The following SENP7 variants were observed in gnomAD, a reference collection of about 807,000 sequenced individuals.
The protein encoded by SENP7 is SUMO specific peptidase 7, also known as sentrin-specific protease 7.
A neutral mutation model predicts 141.2 loss-of-function variants in SENP7; 64 were observed. The observed-to-expected ratio is 0.45, with a 90% CI of 0.37 to 0.56. The LOEUF is 0.56. Among genes scored for constraint, SENP7 ranks in the 20% least tolerant of loss-of-function variants. The probability of loss-of-function intolerance (pLI) is 0.00; values close to 1 mark genes in which losing one functional copy is unlikely to be tolerated. For missense variants in SENP7, 1,025 were observed against 1,212.2 expected (o/e 0.85, Z 2.29); for synonymous variants, 382 against 426.4 (o/e 0.90, Z 1.28).
intron 4 of SENP7, chr3:101,457,734 T>C: frequency 1.1e-6 from 1 of 903,006 alleles, no homozygotes; most frequent in South Asian, 1.5e-5. Flanking sequence ...TTTCATCCTA[T>C]CAGAGCAGAT....
Position 101,470,292 on chromosome 3 carries a change from A to G in SENP7, c.187-11240T>C, listed in dbSNP as rs535593169. Among the ~76,000 whole-genome samples the G allele has an allele frequency of 2.6e-5, 4 of 152,360 alleles. No homozygotes were observed. The South Asian group carries it at 8.3e-4, about 32-fold the overall frequency. On this transcript the variant is annotated intron_variant, in intron 3 of 23. Coordinates refer to ENST00000394095, the MANE Select transcript of SENP7 (RefSeq NM_020654.5). ...CAAACCGAATCCAGCAGCACATCAA[A>G]AAGCGTATCCACCACAATCAAGTCG...
intron 13 of SENP7, among the ~76,000 whole-genome samples, chr3:101,345,849 T>C (rs2059441341): frequency 6.6e-6 from 1 of 152,206 alleles, no homozygotes; most frequent in Non-Finnish European, 1.5e-5. Context: ...CTTCTAGACA[T>C]TGGCTTAGGC....
rs547381781 is a variant in SENP7, at chr3:101,469,800, C to T, written c.187-10748G>A. Reference sequence around the variant, plus strand: ...GATTGCGCCACTGCAGTCCGTAGTCCGGCCTGGGCGACAGAGCAAGACTCC... The same window carrying T: ...GATTGCGCCACTGCAGTCCGTAGTCTGGCCTGGGCGACAGAGCAAGACTCC... On this transcript the variant is annotated intron_variant, in intron 3 of 23. Transcript: ENST00000394095. Among the ~76,000 whole-genome samples, 152 of 81,770 alleles carry T rather than the reference C, an allele frequency of 1.9e-3. 18 individuals are homozygous for T. The highest frequency in any genetic ancestry group is 9.2e-3 in the Admixed American group (46 of 4,984). 53.6% of individuals were successfully genotyped at this position (81,770 alleles called of 152,430 possible).
At chr3:101,440,656 T>C (rs1457583641) in intron 4 of SENP7, among the ~76,000 whole-genome samples, 1 of 150,220 alleles carries the variant, frequency 6.7e-6, no homozygotes, top group Non-Finnish European at 1.5e-5. Context: ...GAGAAAGTTT[T>C]CCAACTCATT....
intron 16 of SENP7, among the ~76,000 whole-genome samples, chr3:101,337,991 A>G (rs1327305522): frequency 6.6e-6 from 1 of 152,028 alleles, no homozygotes; most frequent in African/African-American, 2.4e-5. Context: ...CGTCTCTACT[A>G]AAAATACAAA....
intron 4 of SENP7, among the ~76,000 whole-genome samples, chr3:101,449,610 AG>A (rs2063041636): frequency 3.9e-5 from 6 of 152,314 alleles, no homozygotes; most frequent in Admixed American, 3.9e-4. Flanking sequence ...TTTCATATCC[AG>A]CCAAACTAAG....
intron 11 of SENP7, among the ~76,000 whole-genome samples, chr3:101,356,487 C>CA (rs559120380): frequency 2.5e-4 from 38 of 152,134 alleles, no homozygotes; most frequent in Middle Eastern, 3.4e-3. Flanking sequence ...TACAATACTT[C>CA]AAAAAATCTA....
At chr3:101,378,629 G>A (rs1330174885) in intron 6 of SENP7, among the ~76,000 whole-genome samples, 1 of 151,868 alleles carries the variant, frequency 6.6e-6, no homozygotes, top group Non-Finnish European at 1.5e-5. Flanking sequence ...AAGAAACAGA[G>A]GAAAAATGCA....
intron 3 of SENP7, among the ~76,000 whole-genome samples, chr3:101,475,031 A>G (rs1164119852): frequency 6.6e-6 from 1 of 152,190 alleles, no homozygotes; most frequent in Admixed American, 6.6e-5. Flanking sequence ...TGATGGATAC[A>G]TATATATATC....
At chr3:101,416,654 C>A (rs983552965) in intron 5 of SENP7, among the ~76,000 whole-genome samples, 1 of 152,004 alleles carries the variant, frequency 6.6e-6, no homozygotes, top group Non-Finnish European at 1.5e-5. Context: ...GAAATTTCTT[C>A]GTTAAACTTG....
At chr3:101,501,706 C>G (rs1242854331) in intron 1 of SENP7, among the ~76,000 whole-genome samples, 12 of 152,096 alleles carry the variant, frequency 7.9e-5, no homozygotes, top group Admixed American at 6.5e-4. Context: ...TGACACTGTG[C>G]TAGGCAATGA....
chr3:101,499,771 G>A (rs1393748048), intron 2 of SENP7, among the ~76,000 whole-genome samples: 27 of 151,898 alleles, frequency 1.8e-4, no homozygotes, highest in Non-Finnish European at 2.9e-5. Context: ...TCCTGACCTC[G>A]TGATCTGCCC....
chr3:101,512,692 G>C (rs1221058776), intron 1 of SENP7, among the ~76,000 whole-genome samples: 10 of 152,172 alleles, frequency 6.6e-5, no homozygotes. Flanking sequence ...ACGCAAAGTC[G>C]AGAATCAAAG....
intron 12 of SENP7, among the ~76,000 whole-genome samples, chr3:101,348,566 T>A (rs1041333874): frequency 1.3e-5 from 2 of 152,160 alleles, no homozygotes; most frequent in Non-Finnish European, 2.9e-5. Context: ...TTCCTGCCCA[T>A]CTTTCTTCTC....
intron 18 of SENP7, among the ~76,000 whole-genome samples, chr3:101,332,402 T>C (rs1559678741): frequency 6.6e-6 from 1 of 152,148 alleles, no homozygotes; most frequent in Non-Finnish European, 1.5e-5. Context: ...TAGCATTATT[T>C]TTTTTGTATT....
intron 6 of SENP7, among the ~76,000 whole-genome samples, chr3:101,372,904 T>C (rs929510367): frequency 6.6e-6 from 1 of 151,988 alleles, no homozygotes; most frequent in Non-Finnish European, 1.5e-5. Flanking sequence ...GTGATATGTA[T>C]TGGCATATTA....
chr3:101,369,592 T>C (rs904865347), intron 7 of SENP7, among the ~76,000 whole-genome samples: 46 of 152,152 alleles, frequency 3.0e-4, no homozygotes, highest in African/African-American at 1.0e-3. Context: ...ATATGTAATA[T>C]TGTAAACTAT....
At chr3:101,419,148 C>G (rs2061710391) in intron 4 of SENP7, among the ~76,000 whole-genome samples, 1 of 152,030 alleles carries the variant, frequency 6.6e-6, no homozygotes, top group Admixed American at 6.6e-5. Flanking sequence ...CCAAAGGAAA[C>G]AAGTAAAAAA....
rs750348552 is a variant in SENP7, at chr3:101,513,166, G to A, written c.-36C>T. The A allele has an allele frequency of 3.9e-5, 60 of 1,540,278 alleles. No individual in the cohort carries two copies. Among genetic ancestry groups the A allele is most frequent in the Non-Finnish European group, 4.8e-5 (54 of 1,133,488 alleles). ...TGCTGAAATTTCAGTTGCAGGCGCT[G>A]TCACCTCAGGACCCCTCCGGCTTGG... On this transcript the variant is annotated 5_prime_UTR_variant, in exon 1 of 24. Transcript: ENST00000394095.
Sources: gnomAD v4.1 joint callset for allele counts (sites outside exome capture counted in the v4.1 genomes callset) on GRCh38, gnomAD v4.1.1 for gene constraint, MANE v1.5 for transcripts, NCBI Gene and HGNC (gene_info 2026-07-23, HGNC 2026-07-21) for gene names.